RBFOX1: variants seen among roughly 807,000 people sequenced by gnomAD.
The protein encoded by RBFOX1 is RNA binding fox-1 homolog 1.
RBFOX1 carries 8 observed loss-of-function variants against 57.7 expected under a neutral mutation model. That is an observed-to-expected ratio of 0.14 (90% CI 0.08 to 0.25). The LOEUF is 0.25. Among genes scored for constraint, RBFOX1 ranks in the 10% least tolerant of loss-of-function variants. The pLI, the probability that RBFOX1 is intolerant of heterozygous loss-of-function variation, is 1.00. For synonymous variants in RBFOX1, 326 were observed against 222.4 expected, an observed-to-expected ratio of 1.47 and a Z score of -4.15; for missense variants, 611 against 548.5, an observed-to-expected ratio of 1.11 and a Z score of -1.14.
chr16:6,014,878 C>G (rs1276999319), upstream of RBFOX1, among the ~76,000 whole-genome samples: 1 of 148,424 alleles, frequency 6.7e-6, no homozygotes, highest in Non-Finnish European at 1.5e-5. Context: ...TTTTCTGAGA[C>G]CAAGTCTCAC....
chr16:6,528,812 C>G (rs2096617026), intron 2 of RBFOX1, among the ~76,000 whole-genome samples: 1 of 152,168 alleles, frequency 6.6e-6, no homozygotes, highest in Non-Finnish European at 1.5e-5. Flanking sequence ...CAGTAGCATT[C>G]CACACCCCAC....
At chr16:5,264,534 C>A (rs1454800251) in intron 1 of RBFOX1, among the ~76,000 whole-genome samples, 1 of 152,062 alleles carries the variant, frequency 6.6e-6, no homozygotes, top group African/African-American at 2.4e-5. Context: ...TCCTTTTTGG[C>A]GGATTGTTCT....
intron 3 of RBFOX1, among the ~76,000 whole-genome samples, chr16:6,953,011 C>G (rs892618435): frequency 6.6e-6 from 1 of 152,074 alleles, no homozygotes; most frequent in East Asian, 1.9e-4. Flanking sequence ...AACTATACAT[C>G]TTTACCTCAC....
intron 4 of RBFOX1, among the ~76,000 whole-genome samples, chr16:6,006,283 A>G (rs144814818): frequency 6.6e-6 from 1 of 151,986 alleles, no homozygotes; most frequent in Non-Finnish European, 1.5e-5. Flanking sequence ...GGCTGCATCC[A>G]CCAAGTCACA....
chr16:6,005,046 GT>G (rs2060668711), intron 4 of RBFOX1, among the ~76,000 whole-genome samples: 2 of 152,168 alleles, frequency 1.3e-5, no homozygotes, highest in Admixed American at 1.3e-4. Context: ...AAGAGAGTGT[GT>G]TTTAATGGGA....
At chr16:5,541,590 C>T (rs534086216) in intron 2 of RBFOX1, among the ~76,000 whole-genome samples, 7 of 152,058 alleles carry the variant, frequency 4.6e-5, no homozygotes, top group African/African-American at 9.7e-5. Context: ...ATCAGATATG[C>T]GTTTATCTCA....
intron 1 of RBFOX1, among the ~76,000 whole-genome samples, chr16:5,433,787 A>T (rs1429562372): frequency 6.6e-6 from 1 of 151,966 alleles, no homozygotes. Context: ...CTTCTTGTTC[A>T]CCGCTGCTTC....
chr16:6,805,703 T>A (rs997507452), intron 3 of RBFOX1, among the ~76,000 whole-genome samples: 23 of 149,874 alleles, frequency 1.5e-4, no homozygotes, highest in African/African-American at 5.6e-4. Flanking sequence ...TACCATCTTG[T>A]CCATTCTGCA....
At chr16:6,905,020 G>A (rs916583897) in intron 3 of RBFOX1, among the ~76,000 whole-genome samples, 4 of 152,204 alleles carry the variant, frequency 2.6e-5, no homozygotes, top group African/African-American at 4.8e-5. Flanking sequence ...TGGTAAAAGA[G>A]TTAGAGGAAT....
intron 3 of RBFOX1, among the ~76,000 whole-genome samples, chr16:5,773,149 C>G (rs979648200): frequency 2.6e-5 from 4 of 152,140 alleles, no homozygotes; most frequent in African/African-American, 9.7e-5. Context: ...GGTTCAGTGG[C>G]TCAACTCCAG....
chr16:6,432,482 G>T (rs1381268136), intron 2 of RBFOX1, among the ~76,000 whole-genome samples: 5 of 150,616 alleles, frequency 3.3e-5, no homozygotes, highest in African/African-American at 1.2e-4. Context: ...GACCAGCCTG[G>T]CCAACAGGGT....
At chr16:7,369,164 C>T (rs1041141710) in intron 4 of RBFOX1, among the ~76,000 whole-genome samples, 1 of 152,018 alleles carries the variant, frequency 6.6e-6, no homozygotes, top group African/African-American at 2.4e-5. Context: ...CCACAGTCTG[C>T]TTAATATAGG....
chr16:6,024,700 T>TA (rs1270533076), intron 1 of RBFOX1, among the ~76,000 whole-genome samples: 3 of 152,132 alleles, frequency 2.0e-5, no homozygotes, highest in Admixed American at 2.0e-4. Flanking sequence ...TGACTGGTCT[T>TA]AAACGCCTGA....
At chr16:6,567,242 T>C (rs1415130728) in intron 2 of RBFOX1, among the ~76,000 whole-genome samples, 3 of 152,202 alleles carry the variant, frequency 2.0e-5, no homozygotes, top group Non-Finnish European at 4.4e-5. Context: ...AATCTCCAAA[T>C]TTCATTCAGA....
Position 5,772,354 on chromosome 16 carries a change from C to G in RBFOX1, c.319-94949C>G, listed in dbSNP as rs374882396. Among the ~76,000 whole-genome samples the G allele has an allele frequency of 1.2e-3, 134 of 114,114 alleles. 1 individual carries two copies. Among genetic ancestry groups the G allele is most frequent in the African/African-American group, 4.2e-3 (111 of 26,512 alleles). 74.9% of individuals were successfully genotyped at this position (114,114 alleles called of 152,430 possible). A position where few individuals can be genotyped will look rare whatever the true frequency, so the allele number is the denominator to read the frequency against. On this transcript the variant is annotated intron_variant, in intron 3 of 19. Transcript: ENST00000641259. ...TCCTAACATCTTCCCATGTGCTTTT[C>G]ACACACCCAAATTCCTGAGCTCCAC...
chr16:7,389,227 G>T (rs557951005), intron 4 of RBFOX1, among the ~76,000 whole-genome samples: 1 of 152,278 alleles, frequency 6.6e-6, no homozygotes, highest in East Asian at 1.9e-4. Context: ...TCCAGGCTTA[G>T]ATGATCCTGT....
intron 1 of RBFOX1, among the ~76,000 whole-genome samples, chr16:5,261,761 A>G (rs1465271564): frequency 6.6e-6 from 1 of 152,126 alleles, no homozygotes; most frequent in Non-Finnish European, 1.5e-5. Context: ...CGTGTTAGCC[A>G]GGATGGTCTC....
Position 5,424,978 on chromosome 16 carries a change from C to CT in RBFOX1, c.220-42234dup, listed in dbSNP as rs879313432. Among the ~76,000 whole-genome samples the CT allele has an allele frequency of 8.2e-5, 3 of 36,708 alleles. 1 individual carries two copies. The highest frequency in any genetic ancestry group is 1.0e-4 in the Non-Finnish European group (2 of 19,652). The allele number at this position is 36,708 out of a possible 152,430, so 24.1% of individuals were successfully genotyped here. On this transcript the variant is annotated intron_variant, in intron 1 of 2. Transcript: ENST00000585867. The stretch of plus-strand genomic sequence containing the variant: ...TTTGTTTCTTTCTCTTTCTTTCTTT[C>CT]TTTTCTTTTCTTTTCTTTTCTTTTC...
chr16:5,860,871 G>A (rs2057195774), intron 3 of RBFOX1, among the ~76,000 whole-genome samples: 1 of 152,196 alleles, frequency 6.6e-6, no homozygotes, highest in Admixed American at 6.5e-5. Context: ...ATCTTTGATG[G>A]TCGTTCTTCT....
Sources: gnomAD v4.1 joint callset for allele counts (sites outside exome capture counted in the v4.1 genomes callset) on GRCh38, gnomAD v4.1.1 for gene constraint, MANE v1.5 for transcripts, NCBI Gene and HGNC (gene_info 2026-07-23, HGNC 2026-07-21) for gene names.